PHLDB2: variants seen among roughly 807,000 people sequenced by gnomAD.
The protein encoded by PHLDB2 is pleckstrin homology-like domain family B member 2.
A neutral mutation model predicts 123.6 loss-of-function variants in PHLDB2; 71 were observed. The observed-to-expected ratio is 0.57, with a 90% CI of 0.47 to 0.70. The LOEUF (loss-of-function observed/expected upper bound fraction) is 0.70. PHLDB2 is among the 30% of genes least tolerant of loss of function. The pLI is 0.00. For missense variants in PHLDB2, 1,446 were observed against 1,519.5 expected (o/e 0.95, Z 0.80); for synonymous variants, 547 against 541.6 (o/e 1.01, Z -0.14).
intron 13 of PHLDB2, among the ~76,000 whole-genome samples, chr3:111,962,929 C>CAAAAAAAA (rs57625439): frequency 2.2e-4 from 21 of 93,676 alleles, no homozygotes; most frequent in Admixed American, 5.0e-4. Flanking sequence ...AACTCCATCT[C>CAAAAAAAA]AAAAAAAAAA....
chr3:111,792,275 A>C (rs1477183284), intron 1 of PHLDB2, among the ~76,000 whole-genome samples: 1 of 152,010 alleles, frequency 6.6e-6, no homozygotes, highest in Non-Finnish European at 1.5e-5. Context: ...TCATTTTATA[A>C]TTCTGATATG....
rs2062856227 is a variant in PHLDB2, at chr3:111,829,910, C to CCT, written c.-48-15911_-48-15910insCT. On this transcript the variant is annotated intron_variant, in intron 1 of 17. Coordinates refer to the PHLDB2 transcript ENST00000393923. The stretch of plus-strand genomic sequence containing the variant: ...CACCTTACATTTTCTTATCACCAAA[C>CCT]TGACAGAACTATTCAAAACACACAC... Among the ~76,000 whole-genome samples the CCT allele has an allele frequency of 2.0e-5, 3 of 148,982 alleles. No individual in the cohort carries two copies. The Admixed American group carries it at 2.0e-4, about 10-fold the overall frequency.
chr3:111,747,816 G>C (rs2059703989), intron 1 of PHLDB2, among the ~76,000 whole-genome samples: 1 of 152,134 alleles, frequency 6.6e-6, no homozygotes, highest in East Asian at 1.9e-4. Context: ...CTGTTGGGTT[G>C]TGTCTTTTTG....
Position 111,900,723 on chromosome 3 carries a change from A to G in PHLDB2, c.1336-12596A>G, listed in dbSNP as rs187365555. On this transcript the variant is annotated intron_variant, in intron 2 of 17. Transcript: ENST00000431670. ...CAGAGACATGAAGTGAGCACATACT[A>G]TTGGAAAAATGTGCTAATAGACTTG... 5.3e-5 allele frequency among the ~76,000 whole-genome samples: 8 copies of G among 152,342 alleles called. No homozygotes were observed. In the South Asian group the frequency reaches 1.2e-3, roughly 24 times the overall value.
intron 1 of PHLDB2, among the ~76,000 whole-genome samples, chr3:111,787,245 T>C (rs1458985873): frequency 6.6e-6 from 1 of 152,224 alleles, no homozygotes; most frequent in African/African-American, 2.4e-5. Flanking sequence ...TCTATCCTCA[T>C]GCTTTTGCGT....
At chr3:111,757,420 C>G (rs1160262637) in intron 1 of PHLDB2, among the ~76,000 whole-genome samples, 1 of 152,154 alleles carries the variant, frequency 6.6e-6, no homozygotes, top group Non-Finnish European at 1.5e-5. Context: ...GCTTTCAGCT[C>G]CATCAGCTCC....
chr3:111,927,027 A>G (rs943327886), intron 5 of PHLDB2, among the ~76,000 whole-genome samples: 1 of 152,168 alleles, frequency 6.6e-6, no homozygotes, highest in Non-Finnish European at 1.5e-5. Flanking sequence ...ATGCTTAAAC[A>G]TGGGCCATGT....
In PHLDB2 at chr3:111,859,398, C is replaced by T; in HGVS notation, c.-193C>T. 1 of 985,686 alleles carries T rather than the reference C, an allele frequency of 1.0e-6. No individual in the cohort carries two copies. Among genetic ancestry groups the T allele is most frequent in the Non-Finnish European group, 1.2e-6 (1 of 830,142 alleles). 61.1% of individuals were successfully genotyped at this position (985,686 alleles called of 1,614,324 possible). ...GGGGCAGGTCACCAACTTCGTTGCT[C>T]GAACTCCCTGGGTGCCCGCCGCGGT... On this transcript the variant is annotated 5_prime_UTR_variant, in exon 1 of 18. Coordinates refer to ENST00000431670, the MANE Select transcript of PHLDB2 (RefSeq NM_001134438.2).
chr3:111,831,033 G>GAAAAAAAA (rs1559855387), intron 1 of PHLDB2, among the ~76,000 whole-genome samples: 1 of 55,882 alleles, frequency 1.8e-5, no homozygotes, highest in Admixed American at 1.6e-4. Context: ...AAGAAAGAAA[G>GAAAAAAAA]GAAGGAAGGA....
intron 1 of PHLDB2, among the ~76,000 whole-genome samples, chr3:111,754,371 T>G (rs2059843622): frequency 7.0e-6 from 1 of 142,434 alleles, no homozygotes; most frequent in South Asian, 2.3e-4. Context: ...TTCACATCCC[T>G]TGTAAGTTGG....
At chr3:111,948,851 C>T (rs1269280045) in intron 9 of PHLDB2, 81 bp from the exon 10 acceptor site, 1 of 1,393,972 alleles carries the variant, frequency 7.2e-7, no homozygotes, top group African/African-American at 1.4e-5. Flanking sequence ...AAGCTAACTT[C>T]ATTGTACTGG....
intron 1 of PHLDB2, among the ~76,000 whole-genome samples, chr3:111,829,498 G>A (rs1421675143): frequency 1.1e-5 from 1 of 91,578 alleles, no homozygotes; most frequent in Non-Finnish European, 2.1e-5. Context: ...ATTGAGTCTT[G>A]CTATTACCAG....
chr3:111,912,495 CTA>C (rs1195045347), intron 2 of PHLDB2, among the ~76,000 whole-genome samples: 2 of 152,022 alleles, frequency 1.3e-5, no homozygotes, highest in Non-Finnish European at 2.9e-5. Context: ...GTGCAACATT[CTA>C]TCTCTTTTAT....
chr3:111,758,541 G>C (rs931034071), intron 1 of PHLDB2, among the ~76,000 whole-genome samples: 2 of 152,204 alleles, frequency 1.3e-5, no homozygotes, highest in African/African-American at 4.8e-5. Context: ...GGAACTGCCT[G>C]GTCCCTTGCA....
At chr3:111,824,173 G>A (rs112426115) in intron 1 of PHLDB2, among the ~76,000 whole-genome samples, 5,106 of 152,122 alleles carry the variant, frequency 0.034, 125 homozygotes, top group African/African-American at 0.068. Flanking sequence ...CTTGCTGGTC[G>A]GTTCTTTTCT....
chr3:111,960,606 G>A (rs906345946), intron 12 of PHLDB2, among the ~76,000 whole-genome samples: 4 of 152,146 alleles, frequency 2.6e-5, no homozygotes, highest in Non-Finnish European at 5.9e-5. Context: ...TTAATCAATA[G>A]CTGAGAAAGC....
chr3:111,863,124 C>G (rs969456704), intron 1 of PHLDB2, among the ~76,000 whole-genome samples: 17 of 152,162 alleles, frequency 1.1e-4, no homozygotes, highest in African/African-American at 4.1e-4. Context: ...GACTGTGGGG[C>G]ACGTGCCTGG....
intron 1 of PHLDB2, among the ~76,000 whole-genome samples, chr3:111,755,518 T>G (rs1171615116): frequency 1.3e-4 from 19 of 145,434 alleles, no homozygotes; most frequent in Non-Finnish European, 6.0e-5. Context: ...CATTTTTTAT[T>G]GCGTCTATTT....
chr3:111,885,618 A>C lies in PHLDB2; in HGVS notation c.1335+206A>C, dbSNP rs1226272091. ...TTGTTTGGCTATCTTGAAGGCCTCCAGGAATTAATGTTAATTTAGTTGCTC... is the reference window on the plus strand; with the variant it reads ...TTGTTTGGCTATCTTGAAGGCCTCCCGGAATTAATGTTAATTTAGTTGCTC... On this transcript the variant is annotated intron_variant, in intron 2 of 17. Coordinates refer to ENST00000431670, the MANE Select transcript of PHLDB2 (RefSeq NM_001134438.2). The C allele has an allele frequency of 6.8e-6, 5 of 739,194 alleles. No homozygotes were observed. In the Admixed American group the frequency reaches 1.0e-4, roughly 15 times the overall value. 45.8% of individuals were successfully genotyped at this position (739,194 alleles called of 1,614,324 possible).
Sources: gnomAD v4.1 joint callset for allele counts (sites outside exome capture counted in the v4.1 genomes callset) on GRCh38, gnomAD v4.1.1 for gene constraint, MANE v1.5 for transcripts, NCBI Gene and HGNC (gene_info 2026-07-23, HGNC 2026-07-21) for gene names.